Variants in HTR4 observed in about 807,000 individuals in gnomAD.
HTR4 encodes 5-hydroxytryptamine (serotonin) receptor 4, G protein-coupled.
In HTR4, 16 loss-of-function variants were observed where a neutral mutation model predicts 36.8. The observed-to-expected ratio is 0.43, with a 90% confidence interval of 0.29 to 0.66. HTR4 has a LOEUF of 0.66. Among genes scored for constraint, HTR4 ranks in the 30% least tolerant of loss-of-function variants. The pLI is 0.13. For missense variants in HTR4, 438 were observed against 490.9 expected (o/e 0.89, Z 1.02); for synonymous variants, 189 against 185.1 (o/e 1.02, Z -0.17).
At chr5:148,554,698 T>C (rs563314844) in intron 2 of HTR4, among the ~76,000 whole-genome samples, 25 of 152,308 alleles carry the variant, frequency 1.6e-4, no homozygotes, top group African/African-American at 5.3e-4. Context: ...CAGAGGTACA[T>C]GTGCAGGTTT....
chr5:148,543,395 G>A (rs1434259832), intron 4 of HTR4, among the ~76,000 whole-genome samples: 8 of 152,178 alleles, frequency 5.3e-5, no homozygotes, highest in Admixed American at 2.6e-4. Flanking sequence ...CATGTCTGAA[G>A]CCAGACTTTT....
intron 6 of HTR4, among the ~76,000 whole-genome samples, chr5:148,498,061 T>C (rs1006696556): frequency 2.0e-5 from 3 of 152,164 alleles, no homozygotes; most frequent in Admixed American, 6.5e-5. Context: ...CACTAGTTAG[T>C]ACAATTTTAG....
chr5:148,565,660 A>T (rs535261911), intron 2 of HTR4, among the ~76,000 whole-genome samples: 1 of 152,258 alleles, frequency 6.6e-6, no homozygotes, highest in East Asian at 1.9e-4. Flanking sequence ...ATACACTCAC[A>T]CCTACACGCC....
chr5:148,528,691 G>A (rs185707715), intron 4 of HTR4, among the ~76,000 whole-genome samples: 114 of 152,118 alleles, frequency 7.5e-4, no homozygotes, highest in African/African-American at 2.6e-3. Context: ...TTGATTTTCA[G>A]TTCCTATATT....
chr5:148,463,580 A>G (rs966521451), intron 5 of HTR4, among the ~76,000 whole-genome samples: 4 of 152,140 alleles, frequency 2.6e-5, no homozygotes, highest in African/African-American at 4.8e-5. Flanking sequence ...TCAAATACGA[A>G]CATAAATGGA....
At chr5:148,636,362 A>G (rs975915193) in intron 2 of HTR4, among the ~76,000 whole-genome samples, 2 of 152,172 alleles carry the variant, frequency 1.3e-5, no homozygotes, top group African/African-American at 4.8e-5. Context: ...TCAAATGCCA[A>G]TTCATAACAT....
At chr5:148,530,624 G>A (rs1278424977) in intron 4 of HTR4, among the ~76,000 whole-genome samples, 1 of 152,232 alleles carries the variant, frequency 6.6e-6, no homozygotes, top group Non-Finnish European at 1.5e-5. Flanking sequence ...GATGGGAAAA[G>A]TGGGGTTGGA....
intron 2 of HTR4, among the ~76,000 whole-genome samples, chr5:148,580,467 C>T (rs1337414971): frequency 6.6e-6 from 1 of 152,016 alleles, no homozygotes; most frequent in African/African-American, 2.4e-5. Flanking sequence ...TTGTTAACTG[C>T]AGGCACTATT....
chr5:148,596,584 T>G (rs1761784801), intron 2 of HTR4, among the ~76,000 whole-genome samples: 1 of 152,060 alleles, frequency 6.6e-6, no homozygotes, highest in African/African-American at 2.4e-5. Context: ...CACAGCATCC[T>G]GACCTCTAAC....
chr5:148,472,373 A>G (rs1755590192), downstream of HTR4, among the ~76,000 whole-genome samples: 1 of 152,156 alleles, frequency 6.6e-6, no homozygotes, highest in African/African-American at 2.4e-5. Flanking sequence ...TGAGATGGTT[A>G]ATTAGGTTGT....
At chr5:148,628,428 T>C (rs1339541048) in intron 2 of HTR4, 2 of 152,234 alleles carry the variant, frequency 1.3e-5, no homozygotes, top group East Asian at 3.8e-4. Flanking sequence ...TCTTATCAAA[T>C]GTTCAAGGCA....
chr5:148,483,250 G>A lies in HTR4; in HGVS notation c.1120C>T (p.Pro374Ser). 6.2e-7 allele frequency: 1 copy of A among 1,614,002 alleles called. No homozygotes were observed. The highest frequency in any genetic ancestry group is 1.1e-5 in the South Asian group (1 of 91,060). ...GCCACCAAAGGAGAAGTTGCTGGCG[G>A]GTGACACTGACTCTCCCACTGGCCA... ...CGGQWESQCHPPATSPLVAAQ... is the reference protein window; with the variant it reads ...CGGQWESQCHSPATSPLVAAQ... Residue 374 changes from proline to serine, a missense_variant, in exon 7 of 7, where the codon CCG (proline) becomes TCG (serine). By Grantham distance (74) the Pro-to-Ser change is moderately conservative. Transcript: ENST00000377888.
intron 2 of HTR4, among the ~76,000 whole-genome samples, chr5:148,614,676 C>T (rs1296682976): frequency 6.6e-6 from 1 of 152,066 alleles, no homozygotes; most frequent in African/African-American, 2.4e-5. Context: ...ACAAAATTGA[C>T]AAATGGGATC....
intron 4 of HTR4, among the ~76,000 whole-genome samples, chr5:148,534,004 G>C (rs1403654261): frequency 6.6e-6 from 1 of 152,162 alleles, no homozygotes; most frequent in Non-Finnish European, 1.5e-5. Flanking sequence ...AAAGGTGAAT[G>C]AATTGGTCTC....
At chr5:148,522,663 G>A (rs1001444247) in intron 5 of HTR4, among the ~76,000 whole-genome samples, 1 of 152,196 alleles carries the variant, frequency 6.6e-6, no homozygotes, top group Admixed American at 6.5e-5. Context: ...GGGTTTTGTA[G>A]TAGAAGAGAG....
intron 5 of HTR4, among the ~76,000 whole-genome samples, chr5:148,469,567 T>C (rs1362005812): frequency 2.0e-5 from 3 of 152,210 alleles, no homozygotes; most frequent in Non-Finnish European, 4.4e-5. Flanking sequence ...CTCTGCAGCA[T>C]AAACAATAAG....
At chr5:148,619,504 C>T (rs1752834525) in intron 2 of HTR4, among the ~76,000 whole-genome samples, 1 of 152,092 alleles carries the variant, frequency 6.6e-6, no homozygotes. Context: ...CAATTCAAAA[C>T]AAACTTGTTT....
chr5:148,478,233 A>T (rs1285838286), downstream of HTR4, among the ~76,000 whole-genome samples: 1 of 152,242 alleles, frequency 6.6e-6, no homozygotes, highest in African/African-American at 2.4e-5. Flanking sequence ...TAAGTGCTAA[A>T]TCAATACTAG....
At chr5:148,517,034 T>C (rs1185011427) in intron 5 of HTR4, among the ~76,000 whole-genome samples, 1 of 152,232 alleles carries the variant, frequency 6.6e-6, no homozygotes, top group East Asian at 1.9e-4. Flanking sequence ...TTTGTCTTGG[T>C]TACTTTCCAA....
Sources: allele counts gnomAD v4.1 joint callset (sites outside exome capture counted in the v4.1 genomes callset), GRCh38; gene constraint gnomAD v4.1.1; transcripts MANE v1.5; gene names NCBI Gene and HGNC (gene_info 2026-07-23, HGNC 2026-07-21).